The following SMYD3 variants were observed in gnomAD, a reference collection of about 807,000 sequenced individuals.
SMYD3 encodes histone-lysine N-methyltransferase SMYD3.
Under a neutral mutation model 57.7 loss-of-function variants are expected in SMYD3, and 36 were observed. That is an observed-to-expected ratio of 0.62 (90% CI 0.48 to 0.82). The LOEUF (loss-of-function observed/expected upper bound fraction) is 0.82, where lower values mean the gene tolerates loss of function less well. Among genes scored for constraint, SMYD3 ranks in the 40% least tolerant of loss-of-function variants. The probability of loss-of-function intolerance (pLI) is 0.00; values close to 1 mark genes in which losing one functional copy is unlikely to be tolerated. For missense variants in SMYD3, 515 were observed against 538.8 expected (o/e 0.96, Z 0.44); for synonymous variants, 211 against 195.0 (o/e 1.08, Z -0.68).
chr1:246,104,200 T>C (rs1027491446), intron 5 of SMYD3, among the ~76,000 whole-genome samples: 1 of 152,154 alleles, frequency 6.6e-6, no homozygotes, highest in Non-Finnish European at 1.5e-5. Flanking sequence ...CTAACAAAGC[T>C]CCAAGATGGA....
chr1:245,857,038 C>T (rs57806246), intron 10 of SMYD3, among the ~76,000 whole-genome samples: 4,943 of 152,234 alleles, frequency 0.032, 276 homozygotes, highest in African/African-American at 0.11. Flanking sequence ...CCCACAAGAT[C>T]GATCACTCTG....
chr1:246,146,683 G>T (rs1463760284), intron 5 of SMYD3, among the ~76,000 whole-genome samples: 2 of 152,182 alleles, frequency 1.3e-5, no homozygotes. Context: ...GCAGAGACTA[G>T]AAAGGAGGCA....
At chr1:246,434,811 A>G (rs2067346677) in intron 1 of SMYD3, among the ~76,000 whole-genome samples, 1 of 152,206 alleles carries the variant, frequency 6.6e-6, no homozygotes, top group Admixed American at 6.5e-5. Flanking sequence ...TATCCAAAAG[A>G]AAAGAAATTG....
rs1348719438 is a variant in SMYD3, at chr1:246,255,639, T to C, written c.531+71562A>G. ...GAGGGATATTGGCTTGTCATTTTCT[T>C]TTTTGTTATTGTGTCTTCACCAGGT... On this transcript the variant is annotated intron_variant, in intron 5 of 11. Transcript: ENST00000490107. 2.6e-5 allele frequency among the ~76,000 whole-genome samples: 4 copies of C among 152,138 alleles called. No homozygotes were observed. In the East Asian group the frequency reaches 7.7e-4, roughly 29 times the overall value.
intron 10 of SMYD3, among the ~76,000 whole-genome samples, chr1:245,764,700 T>C (rs2045995748): frequency 6.6e-6 from 1 of 152,152 alleles, no homozygotes; most frequent in Non-Finnish European, 1.5e-5. Context: ...TATTTATTTA[T>C]CATCTCACTG....
chr1:246,006,427 C>CCCCT (rs2059170127), intron 5 of SMYD3, among the ~76,000 whole-genome samples: 1 of 152,044 alleles, frequency 6.6e-6, no homozygotes, highest in Non-Finnish European at 1.5e-5. Flanking sequence ...GGAACTGGGA[C>CCCCT]GTGCTCCCTG....
At chr1:246,415,720 G>A (rs1024374651) in intron 1 of SMYD3, among the ~76,000 whole-genome samples, 24 of 152,048 alleles carry the variant, frequency 1.6e-4, no homozygotes, top group African/African-American at 5.3e-4. Context: ...CATCATGCCC[G>A]GCTTTCACCA....
chr1:245,825,263 T>A (rs1558391463), intron 10 of SMYD3, among the ~76,000 whole-genome samples: 4 of 152,186 alleles, frequency 2.6e-5, no homozygotes, highest in Non-Finnish European at 4.4e-5. Context: ...CTACGTTCTC[T>A]TAGATTTGGA....
intron 5 of SMYD3, among the ~76,000 whole-genome samples, chr1:246,247,290 T>G (rs1439029577): frequency 6.8e-6 from 1 of 146,000 alleles, no homozygotes; most frequent in Non-Finnish European, 1.5e-5. Flanking sequence ...ATCTCAAATT[T>G]TATGTGTTAT....
chr1:245,834,693 C>T (rs1477870433), intron 10 of SMYD3, among the ~76,000 whole-genome samples: 2 of 152,186 alleles, frequency 1.3e-5, no homozygotes, highest in Admixed American at 6.5e-5. Flanking sequence ...CGGAGGATCA[C>T]GGCAACACAG....
intron 8 of SMYD3, among the ~76,000 whole-genome samples, chr1:245,886,675 T>C (rs912667543): frequency 6.6e-6 from 1 of 152,080 alleles, no homozygotes; most frequent in Non-Finnish European, 1.5e-5. Context: ...CTCTACAAGC[T>C]CTTCTTCTGG....
intron 10 of SMYD3, among the ~76,000 whole-genome samples, chr1:245,767,129 G>T (rs1180526370): frequency 2.0e-5 from 3 of 151,470 alleles, no homozygotes; most frequent in African/African-American, 7.3e-5. Context: ...ATGGTGTAGA[G>T]CAGGGATGGG....
intron 5 of SMYD3, among the ~76,000 whole-genome samples, chr1:246,089,493 G>A (rs761196537): frequency 2.0e-5 from 3 of 151,990 alleles, no homozygotes; most frequent in African/African-American, 7.2e-5. Flanking sequence ...TCCCTATTTC[G>A]AGCCAGAATA....
At chr1:246,359,044 T>C (rs114497225) in intron 1 of SMYD3, among the ~76,000 whole-genome samples, 5,898 of 152,028 alleles carry the variant, frequency 0.039, 183 homozygotes, top group African/African-American at 0.078. Context: ...TTTGAAAAGA[T>C]AAATAAAACT....
intron 5 of SMYD3, among the ~76,000 whole-genome samples, chr1:246,076,735 C>CA (rs906526907): frequency 6.9e-6 from 1 of 144,486 alleles, no homozygotes; most frequent in Non-Finnish European, 1.5e-5. Flanking sequence ...GAAAACAGAA[C>CA]AAAAAAAATG....
chr1:246,460,247 C>T (rs1227978955), intron 1 of SMYD3, among the ~76,000 whole-genome samples: 1 of 152,206 alleles, frequency 6.6e-6, no homozygotes, highest in Non-Finnish European at 1.5e-5. Context: ...TCTGATTTCA[C>T]TTCTTACTCC....
chr1:245,978,567 A>G (rs2058512253), intron 5 of SMYD3, among the ~76,000 whole-genome samples: 1 of 152,028 alleles, frequency 6.6e-6, no homozygotes, highest in African/African-American at 2.4e-5. Flanking sequence ...TAAGTGCGGG[A>G]GGGCGGGGGG....
intron 5 of SMYD3, among the ~76,000 whole-genome samples, chr1:246,162,524 A>G (rs2062139827): frequency 3.3e-5 from 5 of 152,222 alleles, no homozygotes; most frequent in Admixed American, 2.0e-4. Flanking sequence ...CTCCTCAAGA[A>G]TCTGGAATTT....
intron 5 of SMYD3, among the ~76,000 whole-genome samples, chr1:246,143,529 A>T (rs112997303): frequency 6.6e-6 from 1 of 152,144 alleles, no homozygotes; most frequent in Admixed American, 6.5e-5. Flanking sequence ...TCAGCCGGCT[A>T]TAGAGGCATG....
Sources: gnomAD v4.1 joint callset for allele counts (sites outside exome capture counted in the v4.1 genomes callset) on GRCh38, gnomAD v4.1.1 for gene constraint, MANE v1.5 for transcripts, NCBI Gene and HGNC (gene_info 2026-07-23, HGNC 2026-07-21) for gene names.